The following KDM5B variants were observed in gnomAD, a reference collection of about 807,000 sequenced individuals.
The protein encoded by KDM5B is lysine demethylase 5B.
Under a neutral mutation model 193.4 loss-of-function variants are expected in KDM5B, and 144 were observed. The ratio of observed to expected loss-of-function variants is 0.74; its 90% CI spans 0.65 to 0.86. The LOEUF (loss-of-function observed/expected upper bound fraction) is 0.86, where lower values mean the gene tolerates loss of function less well. Ranked by LOEUF, KDM5B falls within the 40% of genes least tolerant of loss-of-function variation. The pLI is 0.00. For synonymous variants in KDM5B, 668 were observed against 682.6 expected (o/e 0.98, Z 0.33); for missense variants, 1,833 against 1,886.9 (o/e 0.97, Z 0.53).
chr1:202,803,762 T>C (rs1334486532), intron 1 of KDM5B, among the ~76,000 whole-genome samples: 2 of 151,378 alleles, frequency 1.3e-5, no homozygotes, highest in Non-Finnish European at 2.9e-5. Flanking sequence ...GATGTTGCAG[T>C]GAGCAACATG....
chr1:202,766,597 C>A, intron 5 of KDM5B: 1 of 435,032 alleles, frequency 2.3e-6, no homozygotes, highest in South Asian at 2.0e-5. Context: ...GTTTTCTAGC[C>A]TTAATCTCCA....
intron 1 of KDM5B, among the ~76,000 whole-genome samples, chr1:202,780,015 A>G (rs1657137151): frequency 1.3e-5 from 2 of 152,100 alleles, no homozygotes; most frequent in African/African-American, 4.8e-5. Flanking sequence ...AATAACTTAC[A>G]GAAAAATGGG....
In KDM5B at chr1:202,808,374, C is replaced by G; in HGVS notation, c.-69G>C. The G allele has an allele frequency of 7.1e-7, 1 of 1,409,034 alleles. No homozygotes were observed. The highest frequency in any genetic ancestry group is 1.4e-5 in the African/African-American group (1 of 70,042). The allele number at this position is 1,409,034 out of a possible 1,614,324, so 87.3% of individuals were successfully genotyped here. The stretch of plus-strand genomic sequence containing the variant: ...CCGAGGCTGCGAGCTCCGCTCGGTC[C>G]GAGACCCGTGCAGACGCGGCTCGAG... On this transcript the variant is annotated 5_prime_UTR_variant, in exon 1 of 27. Transcript: ENST00000367265.
At chr1:202,769,133 T>A (rs1393802513) in intron 4 of KDM5B, among the ~76,000 whole-genome samples, 1 of 149,582 alleles carries the variant, frequency 6.7e-6, no homozygotes, top group Non-Finnish European at 1.5e-5. Context: ...ACCTCCTGGG[T>A]TCACGCCATT....
At chr1:202,760,185 G>A (rs867802729) in intron 8 of KDM5B, among the ~76,000 whole-genome samples, 12 of 128,170 alleles carry the variant, frequency 9.4e-5, no homozygotes, top group African/African-American at 8.2e-5. Context: ...ATCATGGCAT[G>A]GGCCTGTAGT....
intron 1 of KDM5B, among the ~76,000 whole-genome samples, chr1:202,786,494 G>A (rs1657418611): frequency 1.3e-5 from 2 of 152,098 alleles, no homozygotes; most frequent in Admixed American, 1.3e-4. Flanking sequence ...GCAAACCTAG[G>A]TATGGTTCCA....
chr1:202,765,930 G>A (rs933256513), intron 5 of KDM5B, among the ~76,000 whole-genome samples: 7 of 152,138 alleles, frequency 4.6e-5, no homozygotes, highest in African/African-American at 1.2e-4. Flanking sequence ...GTATGGGAAC[G>A]AGATCACTAG....
intron 1 of KDM5B, among the ~76,000 whole-genome samples, chr1:202,781,650 T>A (rs1657202673): frequency 1.3e-5 from 2 of 152,208 alleles, no homozygotes; most frequent in Admixed American, 1.3e-4. Context: ...CTTGATATTC[T>A]ATGGTAGGCT....
intron 1 of KDM5B, among the ~76,000 whole-genome samples, chr1:202,799,490 C>T (rs1166463256): frequency 6.6e-6 from 1 of 151,992 alleles, no homozygotes; most frequent in African/African-American, 2.4e-5. Flanking sequence ...CCCATCTCTA[C>T]TAAAAATACA....
At position 202,808,211 on chromosome 1, in the gene KDM5B, C is replaced by G; in HGVS notation, c.95G>C (p.Cys32Ser). Residue 32 changes from cysteine to serine, a missense_variant, in exon 1 of 27, where the codon TGC becomes TCC. This residue lies in a region of KDM5B where 355 missense variants were observed against 374.9 expected (regional missense o/e 0.95). Coordinates refer to ENST00000367265, the MANE Select transcript of KDM5B (RefSeq NM_006618.5). ...PLGEFLPPPE[C>S]PVFEPSWEEF... The stretch of plus-strand genomic sequence containing the variant: ...TTCCCAGCTGGGTTCGAAGACCGGG[C>G]ACTCGGGTGGAGGCAGGAACTCGCC... 2 of 1,612,866 alleles carry G rather than the reference C, an allele frequency of 1.2e-6. No homozygotes were observed. Among genetic ancestry groups the G allele is most frequent in the Non-Finnish European group, 1.7e-6 (2 of 1,179,562 alleles).
chr1:202,733,340 C>T (rs987518343), intron 23 of KDM5B, 61 bp downstream of exon 23: 11 of 1,553,334 alleles, frequency 7.1e-6, no homozygotes, highest in East Asian at 4.5e-5. Flanking sequence ...GCTACAGGTT[C>T]GAGAGAAAGG....
chr1:202,777,038 G>C lies in KDM5B; in HGVS notation c.261C>G (p.Ile87Met). 6.2e-7 allele frequency: 1 copy of C among 1,612,750 alleles called. No individual in the cohort carries two copies. Among genetic ancestry groups the C allele is most frequent in the Non-Finnish European group, 8.5e-7 (1 of 1,178,794 alleles). The change falls in exon 2 of 27, where the codon ATC (isoleucine) becomes ATG (methionine). Residue 87 changes from isoleucine (I) to methionine (M), a missense_variant. This residue lies in a region of KDM5B where 355 missense variants were observed against 374.9 expected (regional missense o/e 0.95). Transcript: ENST00000367265. ...DVDKLHFTPR[I>M]QRLNELEAQT... ...TTACCTCCAATTCATTCAGTCTCTG[G>C]ATACGTGGCGTAAAATGAAGTTTAT...
At chr1:202,773,379 T>C (rs1656800911) in intron 3 of KDM5B, 91 bp from the exon 4 acceptor site, 12 of 1,067,078 alleles carry the variant, frequency 1.1e-5, no homozygotes, top group South Asian at 7.4e-5. Flanking sequence ...TTCTTGGCTA[T>C]GGTTATCTTT....
At chr1:202,730,440 C>G (rs1043434493) in intron 25 of KDM5B, among the ~76,000 whole-genome samples, 9 of 152,184 alleles carry the variant, frequency 5.9e-5, no homozygotes, top group Non-Finnish European at 1.2e-4. Context: ...CACTAATAAT[C>G]TTCCTTCTTG....
intron 16 of KDM5B, among the ~76,000 whole-genome samples, chr1:202,743,776 T>C (rs1655444875): frequency 6.6e-6 from 1 of 152,168 alleles, no homozygotes; most frequent in Non-Finnish European, 1.5e-5. Flanking sequence ...GGTGCTGGAA[T>C]AACAGCTAGC....
chr1:202,775,302 C>T (rs1179180461), intron 2 of KDM5B, among the ~76,000 whole-genome samples: 2 of 151,956 alleles, frequency 1.3e-5, no homozygotes, highest in South Asian at 4.2e-4. Context: ...CTTTGGGAGG[C>T]CGAGACGGGT....
chr1:202,796,363 C>T, intron 1 of KDM5B: 1 of 316,906 alleles, frequency 3.2e-6, no homozygotes, highest in South Asian at 2.8e-5. Flanking sequence ...GATTCTGAGG[C>T]ACAAGGGCAC....
At chr1:202,748,879 A>C (rs765691551) in intron 14 of KDM5B, 66 bp downstream of exon 14, 49 of 1,290,446 alleles carry the variant, frequency 3.8e-5, no homozygotes, top group Non-Finnish European at 5.3e-5. Context: ...ATGATATTAA[A>C]GTGCGTAAAA....
intron 8 of KDM5B, chr1:202,759,058 TA>T (rs1212406941): frequency 6.6e-6 from 1 of 152,266 alleles, no homozygotes; most frequent in Non-Finnish European, 1.5e-5. Context: ...TATGAGGTAT[TA>T]AATAATTTAT....
Sources: allele counts gnomAD v4.1 joint callset (sites outside exome capture counted in the v4.1 genomes callset), GRCh38; gene constraint gnomAD v4.1.1; regional missense constraint gnomAD v4.1.1; transcripts MANE v1.5; gene names NCBI Gene and HGNC (gene_info 2026-07-23, HGNC 2026-07-21).